TTC28: variants seen among roughly 807,000 people sequenced by gnomAD.
TTC28 encodes the protein tetratricopeptide repeat domain 28.
Under a neutral mutation model 198.0 loss-of-function variants are expected in TTC28, and 61 were observed. The ratio of observed to expected loss-of-function variants is 0.31; its 90% CI spans 0.25 to 0.38. TTC28 has a LOEUF of 0.38. Among genes scored for constraint, TTC28 ranks in the 10% least tolerant of loss-of-function variants. The probability of loss-of-function intolerance (pLI) is 1.00; values close to 1 mark genes in which losing one functional copy is unlikely to be tolerated. For synonymous variants in TTC28, 1,171 were observed against 1,297.8 expected (o/e 0.90, Z 2.10); for missense variants, 2,678 against 3,164.0 (o/e 0.85, Z 3.69).
At chr22:28,081,028 T>A (rs1162761022) in intron 12 of TTC28, among the ~76,000 whole-genome samples, 1 of 151,488 alleles carries the variant, frequency 6.6e-6, no homozygotes, top group Non-Finnish European at 1.5e-5. Context: ...CTATTTATTC[T>A]ATTTCATTGG....
intron 2 of TTC28, among the ~76,000 whole-genome samples, chr22:28,391,218 GT>G (rs1816971563): frequency 6.6e-6 from 1 of 152,212 alleles, no homozygotes; most frequent in African/African-American, 2.4e-5. Context: ...TCAGCTGTTA[GT>G]CTGATGGGCT....
chr22:28,059,133 T>C (rs1334176291), intron 12 of TTC28, among the ~76,000 whole-genome samples: 1 of 151,942 alleles, frequency 6.6e-6, no homozygotes, highest in Admixed American at 6.6e-5. Flanking sequence ...TTTTCTTCTT[T>C]CTACTTAATT....
At chr22:28,290,440 TAGG>T (rs1481733536) in intron 5 of TTC28, among the ~76,000 whole-genome samples, 1 of 151,894 alleles carries the variant, frequency 6.6e-6, no homozygotes, top group African/African-American at 2.4e-5. Flanking sequence ...GAGGAAAAAA[TAGG>T]AGTGTAACAT....
intron 2 of TTC28, among the ~76,000 whole-genome samples, chr22:28,324,392 C>T (rs2045493260): frequency 6.6e-6 from 1 of 151,112 alleles, no homozygotes; most frequent in Non-Finnish European, 1.5e-5. Context: ...TTTTATGAGG[C>T]CAGCATCATC....
At chr22:28,382,242 T>A (rs1202665750) in intron 2 of TTC28, among the ~76,000 whole-genome samples, 1 of 152,110 alleles carries the variant, frequency 6.6e-6, no homozygotes, top group Non-Finnish European at 1.5e-5. Context: ...TTCTCTGTAT[T>A]TTTCCCTCAA....
At chr22:28,678,949 A>G (rs994148556) in intron 1 of TTC28, among the ~76,000 whole-genome samples, 1 of 152,132 alleles carries the variant, frequency 6.6e-6, no homozygotes, top group South Asian at 2.1e-4. Context: ...GGTGCTCCCA[A>G]TGATTCCTAC....
chr22:28,008,794 C>T (rs1364359766), intron 14 of TTC28, among the ~76,000 whole-genome samples: 2 of 152,180 alleles, frequency 1.3e-5, no homozygotes, highest in Non-Finnish European at 2.9e-5. Context: ...GCTTTGCCTA[C>T]AGCAGCCCTG....
At chr22:28,408,857 T>C (rs2047038761) in intron 2 of TTC28, among the ~76,000 whole-genome samples, 1 of 152,222 alleles carries the variant, frequency 6.6e-6, no homozygotes, top group Admixed American at 6.5e-5. Flanking sequence ...AGTGAGCTAC[T>C]TCTCATGTAG....
chr22:28,543,288 T>C lies in TTC28; in HGVS notation c.381+86264A>G, dbSNP rs1243259966. ...AGGAGGTCAAAGCTGCAGTGAGCCA[T>C]AATTATGCCACTGTACTCCAGGCTG... On this transcript the variant is annotated intron_variant, in intron 2 of 22. Transcript: ENST00000397906. Among the ~76,000 whole-genome samples the C allele has an allele frequency of 2.0e-5, 3 of 151,952 alleles. No homozygotes were observed. The East Asian group carries it at 5.8e-4, about 29-fold the overall frequency.
intron 2 of TTC28, among the ~76,000 whole-genome samples, chr22:28,572,210 G>C (rs2050075210): frequency 1.3e-5 from 2 of 151,512 alleles, no homozygotes; most frequent in African/African-American, 4.8e-5. Flanking sequence ...AGGCATGGTG[G>C]TGCACGACAA....
At chr22:28,343,769 C>A (rs1315603198) in intron 2 of TTC28, among the ~76,000 whole-genome samples, 1 of 152,184 alleles carries the variant, frequency 6.6e-6, no homozygotes, top group African/African-American at 2.4e-5. Flanking sequence ...CCAGATACAG[C>A]TGCTCTACAG....
chr22:28,118,972 GC>G (rs1453569018), intron 6 of TTC28, among the ~76,000 whole-genome samples: 1 of 152,158 alleles, frequency 6.6e-6, no homozygotes, highest in Non-Finnish European at 1.5e-5. Context: ...TGCATGCTCA[GC>G]TGACTTTGCC....
At position 27,983,112 on chromosome 22, in the gene TTC28, G is replaced by A. The variant is rs970407508; in HGVS notation, c.6555C>T (p.Gly2185=). 6.4e-7 allele frequency: 1 copy of A among 1,551,744 alleles called. No individual in the cohort carries two copies. The highest frequency in any genetic ancestry group is 8.7e-7 in the Non-Finnish European group (1 of 1,147,016). The change falls in exon 23 of 23, where the codon GGC becomes GGT. Residue 2185 remains glycine, a synonymous_variant. Coordinates refer to ENST00000397906, the MANE Select transcript of TTC28 (RefSeq NM_001145418.2). ...IAVERLQRSG[G]QVSKSNNPED... ...CAGGGTTATTACTCTTGCTCACCTG[G>A]CCGCCGCTCCTCTGAAGACGCTCCA... is the stretch of plus-strand genomic sequence containing the variant.
At chr22:27,985,213 C>T in intron 22 of TTC28, 36 bp downstream of exon 22, 1 of 1,475,748 alleles carries the variant, frequency 6.8e-7, no homozygotes, top group Non-Finnish European at 9.3e-7. Flanking sequence ...GCATGGCAGG[C>T]CCTGGTGGAG....
rs190262062 is a variant in TTC28, at chr22:28,392,065, G to A, written c.382-85422C>T. ...TTGTTAGTTTTCCTTCTAACAGACA[G>A]GACCCTCAGCTGCAGGTCTGTTGGA... On this transcript the variant is annotated intron_variant, in intron 2 of 22. Transcript: ENST00000397906. Among the ~76,000 whole-genome samples the A allele has an allele frequency of 1.1e-4, 17 of 152,296 alleles. No homozygotes were observed. The East Asian group carries it at 2.3e-3, about 21-fold the overall frequency.
At chr22:28,644,398 C>CAAA (rs550663869) in intron 1 of TTC28, among the ~76,000 whole-genome samples, 36,721 of 113,812 alleles carry the variant, frequency 0.32, 6,153 homozygotes, top group African/African-American at 0.48. Flanking sequence ...GACTCCATCT[C>CAAA]AAAAAAAAAA....
At position 28,030,972 on chromosome 22, in the gene TTC28, A is replaced by G. The variant is rs114991463; in HGVS notation, c.3933-606T>C. The stretch of plus-strand genomic sequence containing the variant: ...TTGAGAACTGCCGCTGATTTGGCCC[A>G]TTTTCCAAGCTCAGCATGAGGAGGT... On this transcript the variant is annotated intron_variant, in intron 12 of 22. Coordinates refer to ENST00000397906, the MANE Select transcript of TTC28 (RefSeq NM_001145418.2). 9.5e-3 allele frequency among the ~76,000 whole-genome samples: 1,447 copies of G among 152,306 alleles called. 24 individuals are homozygous for G. The highest frequency in any genetic ancestry group is 0.032 in the African/African-American group (1,347 of 41,566).
intron 5 of TTC28, among the ~76,000 whole-genome samples, chr22:28,212,050 C>A (rs1927018722): frequency 6.6e-6 from 1 of 152,046 alleles, no homozygotes; most frequent in South Asian, 2.1e-4. Flanking sequence ...GAAATGAAGG[C>A]AGAAATAAAG....
chr22:28,148,104 A>G (rs1270752838), intron 6 of TTC28, among the ~76,000 whole-genome samples: 1 of 152,252 alleles, frequency 6.6e-6, no homozygotes, highest in East Asian at 1.9e-4. Context: ...AGATCCAAAA[A>G]GGTTAATATA....
Sources: gnomAD v4.1 joint callset for allele counts (sites outside exome capture counted in the v4.1 genomes callset) on GRCh38, gnomAD v4.1.1 for gene constraint, MANE v1.5 for transcripts, NCBI Gene and HGNC (gene_info 2026-07-23, HGNC 2026-07-21) for gene names.